Variants in SHISA6 observed in about 807,000 individuals in gnomAD.
SHISA6 encodes the protein protein shisa-6.
In SHISA6, 22 loss-of-function variants were observed where a neutral mutation model predicts 47.9. The ratio of observed to expected loss-of-function variants is 0.46; its 90% CI spans 0.33 to 0.66. SHISA6 has a LOEUF of 0.66. SHISA6 is among the 30% of genes least tolerant of loss of function. SHISA6 has a pLI of 0.02. For missense variants in SHISA6, 680 were observed against 764.6 expected, an observed-to-expected ratio of 0.89 and a Z score of 1.30; for synonymous variants, 388 against 337.8, an observed-to-expected ratio of 1.15 and a Z score of -1.63.
rs36121722 is a variant in SHISA6, at chr17:11,275,149, A to ATTT, written c.799+11635_799+11637dup. ...TGGAAGGCTGCTCTGAGCAGGAGGA[A>ATTT]TTTTTTTTTTTTTTCATTAAACATA... On this transcript the variant is annotated intron_variant, in intron 2 of 5. Transcript: ENST00000441885. Among the ~76,000 whole-genome samples, 1,186 of 146,056 alleles carry ATTT rather than the reference A, an allele frequency of 8.1e-3. 18 individuals are homozygous for ATTT. The highest frequency in any genetic ancestry group is 0.027 in the African/African-American group (1,079 of 39,738).
At chr17:11,454,656 C>G (rs984994511) in intron 3 of SHISA6, among the ~76,000 whole-genome samples, 1 of 152,254 alleles carries the variant, frequency 6.6e-6, no homozygotes, top group Admixed American at 6.5e-5. Flanking sequence ...GTGCTCCAGG[C>G]GTGTGGCTCC....
intron 3 of SHISA6, among the ~76,000 whole-genome samples, chr17:11,503,832 A>G (rs1437142710): frequency 6.6e-6 from 1 of 152,094 alleles, no homozygotes; most frequent in East Asian, 1.9e-4. Context: ...TGTTGTCTGT[A>G]TTGTATGTGT....
rs910652207 is a variant in SHISA6, at chr17:11,283,756, T to C, written c.799+20230T>C. Among the ~76,000 whole-genome samples, 3 of 152,344 alleles carry C rather than the reference T, an allele frequency of 2.0e-5. No homozygotes were observed. The South Asian group carries it at 6.2e-4, about 32-fold the overall frequency. On this transcript the variant is annotated intron_variant, in intron 2 of 5. Coordinates refer to ENST00000441885, the MANE Select transcript of SHISA6 (RefSeq NM_207386.4). ...ATATAATGAAAGTAAGGTGCAGTTT[T>C]GGATTTCAAGAGCAGAAAACTTTAG...
intron 2 of SHISA6, among the ~76,000 whole-genome samples, chr17:11,336,413 G>T (rs1268532379): frequency 6.6e-6 from 1 of 151,906 alleles, no homozygotes; most frequent in Non-Finnish European, 1.5e-5. Flanking sequence ...GAGAGGGTGG[G>T]CATGCAGAGG....
At chr17:11,316,943 AT>A (rs1910544720) in intron 2 of SHISA6, among the ~76,000 whole-genome samples, 1 of 152,172 alleles carries the variant, frequency 6.6e-6, no homozygotes, top group Admixed American at 6.5e-5. Context: ...ACATTAGAAA[AT>A]ATTCCAGACA....
chr17:11,481,557 A>T (rs1916223287), intron 3 of SHISA6, among the ~76,000 whole-genome samples: 1 of 149,902 alleles, frequency 6.7e-6, no homozygotes, highest in African/African-American at 2.5e-5. Context: ...CAGTGGCGCG[A>T]TCTTGGCTGA....
chr17:11,526,455 G>A (rs576482276), intron 3 of SHISA6, among the ~76,000 whole-genome samples: 8 of 152,278 alleles, frequency 5.3e-5, no homozygotes, highest in African/African-American at 1.9e-4. Context: ...CTCCACACGT[G>A]TACAGGTGGT....
chr17:11,485,178 G>A (rs1233845091), intron 3 of SHISA6, among the ~76,000 whole-genome samples: 2 of 152,086 alleles, frequency 1.3e-5, no homozygotes, highest in Non-Finnish European at 2.9e-5. Flanking sequence ...TTTATTATTG[G>A]GATAGATGGG....
intron 2 of SHISA6, among the ~76,000 whole-genome samples, chr17:11,341,324 CTCTCTTTTTTTTTTT>C (rs1325268313): frequency 7.1e-6 from 1 of 139,984 alleles, no homozygotes; most frequent in Non-Finnish European, 1.5e-5. Context: ...CTTTCTCTCT[CTCTCTTTTTTTTTTT>C]TTTTTTTTTT....
intron 3 of SHISA6, among the ~76,000 whole-genome samples, chr17:11,415,484 C>T (rs1408929545): frequency 1.3e-5 from 2 of 152,128 alleles, no homozygotes; most frequent in Non-Finnish European, 1.5e-5. Flanking sequence ...GGGCTTATGT[C>T]CCTGTGTGAG....
chr17:11,366,937 A>C (rs1912472213), intron 2 of SHISA6, among the ~76,000 whole-genome samples: 1 of 152,200 alleles, frequency 6.6e-6, no homozygotes, highest in African/African-American at 2.4e-5. Flanking sequence ...AGATATAATC[A>C]AATTAAGATG....
At chr17:11,347,778 T>C (rs1225867576) in intron 2 of SHISA6, among the ~76,000 whole-genome samples, 2 of 152,118 alleles carry the variant, frequency 1.3e-5, no homozygotes, top group East Asian at 1.9e-4. Flanking sequence ...GGAAGCTGTA[T>C]CTAGGGGTGA....
intron 2 of SHISA6, among the ~76,000 whole-genome samples, chr17:11,311,292 A>C (rs548149192): frequency 7.0e-6 from 1 of 143,638 alleles, no homozygotes; most frequent in Admixed American, 7.2e-5. Flanking sequence ...AAAAAAAAAA[A>C]AAAAAAAACC....
chr17:11,367,792 G>C (rs1245766320), intron 2 of SHISA6, among the ~76,000 whole-genome samples: 3 of 152,202 alleles, frequency 2.0e-5, no homozygotes, highest in Admixed American at 1.3e-4. Flanking sequence ...GGAAGGCTCA[G>C]GGTATAACAG....
intron 2 of SHISA6, among the ~76,000 whole-genome samples, chr17:11,348,233 A>G (rs1911762589): frequency 6.6e-6 from 1 of 152,180 alleles, no homozygotes; most frequent in South Asian, 2.1e-4. Context: ...GCTTTGCTCT[A>G]TTTATGGGAC....
intron 1 of SHISA6, among the ~76,000 whole-genome samples, chr17:11,261,985 ATG>A (rs1186142540): frequency 1.3e-5 from 2 of 152,200 alleles, no homozygotes; most frequent in African/African-American, 4.8e-5. Flanking sequence ...ACTTGGTATT[ATG>A]TGGCTTTTTG....
intron 2 of SHISA6, among the ~76,000 whole-genome samples, chr17:11,359,769 G>A (rs554277756): frequency 2.0e-5 from 3 of 152,220 alleles, no homozygotes; most frequent in East Asian, 1.9e-4. Flanking sequence ...AGTTCTCACC[G>A]GGAAGTGGGA....
At chr17:11,401,100 C>T (rs896706704) in intron 3 of SHISA6, among the ~76,000 whole-genome samples, 6 of 152,198 alleles carry the variant, frequency 3.9e-5, no homozygotes, top group Non-Finnish European at 8.8e-5. Flanking sequence ...AGAGACTAGG[C>T]CTTACCTGGG....
intron 2 of SHISA6, among the ~76,000 whole-genome samples, chr17:11,333,582 T>G (rs1911209048): frequency 6.6e-6 from 1 of 152,150 alleles, no homozygotes; most frequent in African/African-American, 2.4e-5. Context: ...TGGTGTGATT[T>G]TGGCTCACTG....
Sources: allele counts gnomAD v4.1 joint callset (sites outside exome capture counted in the v4.1 genomes callset), GRCh38; gene constraint gnomAD v4.1.1; transcripts MANE v1.5; gene names NCBI Gene and HGNC (gene_info 2026-07-23, HGNC 2026-07-21).